Variants in RBFOX1 observed in about 807,000 individuals in gnomAD.
RBFOX1 encodes the protein RNA binding protein fox-1 homolog 1.
In RBFOX1, 8 loss-of-function variants were observed where a neutral mutation model predicts 57.7. The observed-to-expected ratio is 0.14, with a 90% CI of 0.08 to 0.25. RBFOX1 has a LOEUF of 0.25. Ranked by LOEUF, RBFOX1 falls within the 10% of genes least tolerant of loss-of-function variation. The probability of loss-of-function intolerance (pLI) is 1.00; values close to 1 mark genes in which losing one functional copy is unlikely to be tolerated. For synonymous variants in RBFOX1, 326 were observed against 222.4 expected (o/e 1.47, Z -4.15); for missense variants, 611 against 548.5 (o/e 1.11, Z -1.14).
At chr16:5,693,085 G>A (rs2050742395) in intron 3 of RBFOX1, among the ~76,000 whole-genome samples, 1 of 152,186 alleles carries the variant, frequency 6.6e-6, no homozygotes, top group Non-Finnish European at 1.5e-5. Flanking sequence ...TATTCTGGTT[G>A]CTATGGAAGA....
chr16:6,934,046 C>G (rs2076982230), intron 3 of RBFOX1, among the ~76,000 whole-genome samples: 1 of 152,188 alleles, frequency 6.6e-6, no homozygotes, highest in African/African-American at 2.4e-5. Context: ...GCTAGAGCTG[C>G]TGTCCGAGAG....
intron 4 of RBFOX1, among the ~76,000 whole-genome samples, chr16:7,294,290 T>A (rs997926723): frequency 2.0e-5 from 3 of 152,026 alleles, no homozygotes; most frequent in African/African-American, 7.2e-5. Context: ...ACTCCCACCC[T>A]CTCAACTGCC....
intron 3 of RBFOX1, among the ~76,000 whole-genome samples, chr16:6,664,216 GT>G (rs148495727): frequency 0.053 from 8,135 of 152,228 alleles, 255 homozygotes; most frequent in Non-Finnish European, 0.064. Context: ...GCTTTTTGCT[GT>G]GTCGCTTGGC....
At chr16:7,662,304 C>G (rs923001028) in intron 12 of RBFOX1, among the ~76,000 whole-genome samples, 1 of 152,184 alleles carries the variant, frequency 6.6e-6, no homozygotes, top group Non-Finnish European at 1.5e-5. Context: ...TTGCCCTGGT[C>G]TCCTAATTCA....
chr16:6,673,864 T>G (rs909877924), intron 3 of RBFOX1, among the ~76,000 whole-genome samples: 1 of 152,092 alleles, frequency 6.6e-6, no homozygotes, highest in Non-Finnish European at 1.5e-5. Flanking sequence ...GTTACAGATA[T>G]TAAGAGAAGA....
chr16:6,418,662 A>T (rs1368871690), intron 2 of RBFOX1, among the ~76,000 whole-genome samples: 1 of 151,286 alleles, frequency 6.6e-6, no homozygotes, highest in Non-Finnish European at 1.5e-5. Context: ...TAGCTGGGCT[A>T]CAGGTGCATG....
Position 7,052,040 on chromosome 16 carries a change from TTTTC to T in RBFOX1, c.-15-13_-15-10del. The T allele has an allele frequency of 3.1e-6, 5 of 1,611,908 alleles. No homozygotes were observed. The highest frequency in any genetic ancestry group is 4.2e-6 in the Non-Finnish European group (5 of 1,179,096). ...GGAGCCTTCTGACTTTTCCCCTTCATTTTCTTTTCTTTCTAGGTTTCAAGACAAC... is the reference window on the plus strand; with the variant it reads ...GGAGCCTTCTGACTTTTCCCCTTCATTTTTCTTTCTAGGTTTCAAGACAAC... On this transcript the variant is annotated splice_polypyrimidine_tract_variant and intron_variant, in intron 3 of 15. Coordinates refer to ENST00000550418, the MANE Select transcript of RBFOX1 (RefSeq NM_018723.4).
intron 3 of RBFOX1, among the ~76,000 whole-genome samples, chr16:5,620,322 C>T (rs918490031): frequency 7.2e-5 from 11 of 152,174 alleles, no homozygotes; most frequent in African/African-American, 2.7e-4. Flanking sequence ...CGCATCTCTA[C>T]ACATGGTGTG....
At chr16:7,292,374 TATATG>T (rs1249030047) in intron 4 of RBFOX1, among the ~76,000 whole-genome samples, 3 of 140,830 alleles carry the variant, frequency 2.1e-5, no homozygotes, top group African/African-American at 5.2e-5. Flanking sequence ...TTATATATCA[TATATG>T]ATATACATGA....
At chr16:7,605,304 A>G (rs2095242195) in intron 9 of RBFOX1, among the ~76,000 whole-genome samples, 1 of 152,216 alleles carries the variant, frequency 6.6e-6, no homozygotes, top group Non-Finnish European at 1.5e-5. Context: ...GATGTGATTA[A>G]TACAAGAGAA....
chr16:6,703,472 G>A (rs2062177129), intron 3 of RBFOX1, among the ~76,000 whole-genome samples: 1 of 151,734 alleles, frequency 6.6e-6, no homozygotes, highest in Admixed American at 6.6e-5. Flanking sequence ...AGATGCTGGG[G>A]AGGCTGAGAT....
chr16:6,968,645 A>G (rs1489174355), intron 3 of RBFOX1, among the ~76,000 whole-genome samples: 1 of 152,022 alleles, frequency 6.6e-6, no homozygotes, highest in East Asian at 1.9e-4. Context: ...ACGTGCCACC[A>G]TCCCACAGGA....
At position 6,906,325 on chromosome 16, in the gene RBFOX1, T is replaced by C. The variant is rs1044195024; in HGVS notation, c.-15-145732T>C. Among the ~76,000 whole-genome samples, 21 of 152,076 alleles carry C rather than the reference T, an allele frequency of 1.4e-4. 2 individuals are homozygous for C. The highest frequency in any genetic ancestry group is 1.0e-3 in the Admixed American group (16 of 15,288). On this transcript the variant is annotated intron_variant, in intron 3 of 15. Transcript: ENST00000550418. ...GCTGGGGTAATAAAATTGTATTCAA[T>C]TGTGTCTCAGGCACTACCTAATGAT... is the stretch of plus-strand genomic sequence containing the variant.
intron 3 of RBFOX1, among the ~76,000 whole-genome samples, chr16:7,007,881 T>A (rs1056897029): frequency 7.2e-5 from 11 of 152,178 alleles, no homozygotes; most frequent in African/African-American, 2.7e-4. Flanking sequence ...CATGGACTTG[T>A]AAGAACCTTC....
At chr16:5,867,275 C>T (rs1000955795) in intron 3 of RBFOX1, 1 of 1,172,694 alleles carries the variant, frequency 8.5e-7, no homozygotes. Context: ...TGAATCAATA[C>T]TAATGTCTTT....
chr16:6,895,436 G>A (rs188738316), intron 3 of RBFOX1, among the ~76,000 whole-genome samples: 12,091 of 85,406 alleles, frequency 0.14, 980 homozygotes, highest in Admixed American at 0.2. Context: ...GTGTGTGTGT[G>A]TGTGTGTGTG....
intron 4 of RBFOX1, among the ~76,000 whole-genome samples, chr16:7,439,960 T>C (rs1222335043): frequency 6.7e-6 from 1 of 149,986 alleles, no homozygotes; most frequent in Non-Finnish European, 1.5e-5. Flanking sequence ...TTTTTTTTTT[T>C]TTTTTTTTTG....
chr16:7,182,565 G>A (rs1043651749), intron 4 of RBFOX1, among the ~76,000 whole-genome samples: 6 of 152,168 alleles, frequency 3.9e-5, no homozygotes. Context: ...AATACATCCT[G>A]TTGCAAAGAA....
In RBFOX1 at chr16:5,448,891, C is replaced by T. The variant is rs552569275; in HGVS notation, c.220-18325C>T. Among the ~76,000 whole-genome samples, 116 of 152,210 alleles carry T rather than the reference C, an allele frequency of 7.6e-4. 2 individuals carry two copies. The highest frequency in any genetic ancestry group is 2.7e-3 in the African/African-American group (113 of 41,532). On this transcript the variant is annotated intron_variant, in intron 1 of 2. Transcript: ENST00000585867. ...TTATTCCTAAAGCTGGCATGATCCG[C>T]CTGCTACCTGCCTCTTCAGCTTGGA...
Sources: gnomAD v4.1 joint callset for allele counts (sites outside exome capture counted in the v4.1 genomes callset) on GRCh38, gnomAD v4.1.1 for gene constraint, MANE v1.5 for transcripts, NCBI Gene and HGNC (gene_info 2026-07-23, HGNC 2026-07-21) for gene names.